LMO3: variants seen among roughly 807,000 people sequenced by gnomAD.
LMO3 encodes LIM domain only 3, also known as LIM domain only protein 3.
Under a neutral mutation model 15.8 loss-of-function variants are expected in LMO3, and 2 were observed. The observed-to-expected ratio is 0.13, with a 90% CI of 0.05 to 0.40. The LOEUF is 0.40. Among genes scored for constraint, LMO3 ranks in the 10% least tolerant of loss-of-function variants. The pLI, the probability that LMO3 is intolerant of heterozygous loss-of-function variation, is 0.99. For synonymous variants in LMO3, 62 were observed against 63.8 expected (o/e 0.97, Z 0.13); for missense variants, 86 against 182.2 (o/e 0.47, Z 3.04).
At chr12:16,569,914 C>T (rs1010542340) in intron 2 of LMO3, among the ~76,000 whole-genome samples, 8 of 152,070 alleles carry the variant, frequency 5.3e-5, no homozygotes, top group Non-Finnish European at 7.4e-5. Flanking sequence ...TTTATCTAAT[C>T]ACTATAGCTC....
rs1943338063 is a variant in LMO3 at position 16,586,810 on chromosome 12, C to T, written c.206+13845G>A. ...TTTTGTAACCTTTCTCCCAAAGGAA[C>T]ATGTAAGCCATACACAGTTGGCATC... On this transcript the variant is annotated intron_variant, in intron 2 of 3. Coordinates refer to ENST00000537304, the MANE Select transcript of LMO3 (RefSeq NM_018640.5). This position sits in a 1 kb window ranked among gnomAD's most constrained non-coding sequence, Gnocchi z 4.3. Among the ~76,000 whole-genome samples, 1 of 152,158 alleles carries T rather than the reference C, an allele frequency of 6.6e-6. No homozygotes were observed. Among genetic ancestry groups the T allele is most frequent in the African/African-American group, 2.4e-5 (1 of 41,440 alleles).
In LMO3 at chr12:16,585,295, T is replaced by C. The variant is rs949066972; in HGVS notation, c.206+15360A>G. Among the ~76,000 whole-genome samples the C allele has an allele frequency of 1.3e-5, 2 of 152,190 alleles. No homozygotes were observed. The highest frequency in any genetic ancestry group is 2.9e-5 in the Non-Finnish European group (2 of 68,044). ...AAGTATCATGGTAGAAAACAAGTTATTGATTACTGCTTCAAGAAAAAGGAT... is the reference window on the plus strand; with the variant it reads ...AAGTATCATGGTAGAAAACAAGTTACTGATTACTGCTTCAAGAAAAAGGAT... On this transcript the variant is annotated intron_variant, in intron 2 of 3. Coordinates refer to ENST00000537304, the MANE Select transcript of LMO3 (RefSeq NM_018640.5). This position sits in a 1 kb window ranked among gnomAD's most constrained non-coding sequence, Gnocchi z 4.7.
In LMO3 at chr12:16,576,465, G is replaced by T. The variant is rs1942999069; in HGVS notation, c.207-15927C>A. Among the ~76,000 whole-genome samples, 1 of 152,028 alleles carries T rather than the reference G, an allele frequency of 6.6e-6. No homozygotes were observed. Among genetic ancestry groups the T allele is most frequent in the African/African-American group, 2.4e-5 (1 of 41,364 alleles). ...CTTTTTTTTCATATTCAGATCAAATGTCAATGGATCTATGAAGCCTCTCTG... is the reference window on the plus strand; with the variant it reads ...CTTTTTTTTCATATTCAGATCAAATTTCAATGGATCTATGAAGCCTCTCTG... On this transcript the variant is annotated intron_variant, in intron 2 of 3. Transcript: ENST00000537304. This position sits in a 1 kb window ranked among gnomAD's most constrained non-coding sequence, Gnocchi z 4.1.
At chr12:16,551,593 CTTT>C (rs1292960664) in intron 3 of LMO3, among the ~76,000 whole-genome samples, 1 of 135,982 alleles carries the variant, frequency 7.4e-6, no homozygotes, top group East Asian at 2.1e-4. Flanking sequence ...AGATGACTTG[CTTT>C]TTTTTTTTTT....
In LMO3 at chr12:16,560,315, A is replaced by C; in HGVS notation, c.332+98T>G. 1 of 1,307,058 alleles carries C rather than the reference A, an allele frequency of 7.7e-7. No individual in the cohort carries two copies. The allele number at this position is 1,307,058 out of a possible 1,614,324, so 81.0% of individuals were successfully genotyped here. A position where few individuals can be genotyped will look rare whatever the true frequency, so the allele number is the denominator to read the frequency against. Reference sequence around the variant, plus strand: ...ACAGAACAGAAAAACGCTGAGATTGATTGCTTTAAATGTATGAATATAATT... The same window carrying C: ...ACAGAACAGAAAAACGCTGAGATTGCTTGCTTTAAATGTATGAATATAATT... On this transcript the variant is annotated intron_variant, in intron 3 of 3. Transcript: ENST00000537304. The surrounding 1 kb of genome is among the most constrained non-coding windows in gnomAD (Gnocchi z 5.0).
intron 2 of LMO3, chr12:16,600,452 C>CA: frequency 1.7e-6 from 1 of 575,342 alleles, no homozygotes; most frequent in Admixed American, 3.1e-5. Flanking sequence ...AATTGAAATA[C>CA]TTTAAATATT....
chr12:16,557,823 C>G (rs527490662), intron 3 of LMO3, among the ~76,000 whole-genome samples: 5 of 151,982 alleles, frequency 3.3e-5, no homozygotes, highest in Non-Finnish European at 7.4e-5. Context: ...GTAACATACT[C>G]AAGATCACAC....
rs1947252991 is a variant in LMO3, at chr12:16,559,481, T to C, written c.332+932A>G. On this transcript the variant is annotated intron_variant, in intron 3 of 3. Coordinates refer to ENST00000537304, the MANE Select transcript of LMO3 (RefSeq NM_018640.5). This position sits in a 1 kb window ranked among gnomAD's most constrained non-coding sequence, Gnocchi z 4.1. ...GTTTGGTTTAAGATCGCACAGCTTATTAGTGGCAGAGCCCATATTAGAATT... is the reference window on the plus strand; with the variant it reads ...GTTTGGTTTAAGATCGCACAGCTTACTAGTGGCAGAGCCCATATTAGAATT... Among the ~76,000 whole-genome samples the C allele has an allele frequency of 6.6e-6, 1 of 152,210 alleles. No individual in the cohort carries two copies. The highest frequency in any genetic ancestry group is 2.4e-5 in the African/African-American group (1 of 41,456).
At position 16,566,993 on chromosome 12, in the gene LMO3, G is replaced by A. The variant is rs149885778; in HGVS notation, c.207-6455C>T. ...ACTTGGCACTTGAGGTCAGGAGTTC[G>A]GGACCAGCCTGGCCAATATGGCAAA... On this transcript the variant is annotated intron_variant, in intron 2 of 3. Transcript: ENST00000537304. Among the ~76,000 whole-genome samples, 770 of 152,186 alleles carry A rather than the reference G, an allele frequency of 5.1e-3. 8 individuals carry two copies. Among genetic ancestry groups the A allele is most frequent in the African/African-American group, 0.018 (746 of 41,528 alleles).
intron 2 of LMO3, among the ~76,000 whole-genome samples, chr12:16,573,285 T>A (rs1942882252): frequency 6.6e-6 from 1 of 152,126 alleles, no homozygotes; most frequent in Non-Finnish European, 1.5e-5. Context: ...CATTAGTGAA[T>A]GAAGTCAGAT....
At chr12:16,573,621 A>T (rs919879048) in intron 2 of LMO3, 1 of 152,184 alleles carries the variant, frequency 6.6e-6, no homozygotes, top group Non-Finnish European at 1.5e-5. Context: ...GAAAGCAAAC[A>T]ACTTGAAAAA....
At chr12:16,564,013 G>A (rs1942497721) in intron 2 of LMO3, among the ~76,000 whole-genome samples, 1 of 152,044 alleles carries the variant, frequency 6.6e-6, no homozygotes, top group South Asian at 2.1e-4. Context: ...TCCAAAAGTA[G>A]GCTTATAATG....
At chr12:16,605,707 C>A in intron 1 of LMO3, 1 of 1,426,350 alleles carries the variant, frequency 7.0e-7, no homozygotes, top group South Asian at 1.2e-5. Context: ...CCCCGGGAGT[C>A]AGGGGTGTGG....
rs766384366 is a variant in LMO3, at chr12:16,559,299, GTATA to G, written c.332+1110_332+1113del. On this transcript the variant is annotated intron_variant, in intron 3 of 3. Transcript: ENST00000537304. This position sits in a 1 kb window ranked among gnomAD's most constrained non-coding sequence, Gnocchi z 4.1. ...TTATCATATAAAACAGGTGCCAGTA[GTATA>G]TAGTTTTCACAGAAATAAAAAATAT... is the stretch of plus-strand genomic sequence containing the variant. Among the ~76,000 whole-genome samples, 1 of 152,088 alleles carries G rather than the reference GTATA, an allele frequency of 6.6e-6. No homozygotes were observed. Among genetic ancestry groups the G allele is most frequent in the East Asian group, 1.9e-4 (1 of 5,196 alleles).
chr12:16,592,486 T>C (rs931361563), intron 2 of LMO3, among the ~76,000 whole-genome samples: 1 of 152,022 alleles, frequency 6.6e-6, no homozygotes, highest in Non-Finnish European at 1.5e-5. Flanking sequence ...ACAGTATAAG[T>C]GAGCATCTCA....
chr12:16,602,767 A>G (rs938021837), intron 1 of LMO3, among the ~76,000 whole-genome samples: 2 of 152,200 alleles, frequency 1.3e-5, no homozygotes, highest in African/African-American at 4.8e-5. Flanking sequence ...AGTGAATCCC[A>G]TTAATTACAG....
At chr12:16,562,621 C>T (rs1243449996) in intron 2 of LMO3, among the ~76,000 whole-genome samples, 3 of 152,212 alleles carry the variant, frequency 2.0e-5, no homozygotes, top group African/African-American at 7.2e-5. Context: ...CTGAGACCTG[C>T]TTCTGCTGCC....
Position 16,603,209 on chromosome 12 carries a change from A to G in LMO3, c.-8-2341T>C, listed in dbSNP as rs1360978452. Among the ~76,000 whole-genome samples the G allele has an allele frequency of 1.3e-5, 2 of 152,212 alleles. No individual in the cohort carries two copies. Among genetic ancestry groups the G allele is most frequent in the Non-Finnish European group, 2.9e-5 (2 of 68,040 alleles). On this transcript the variant is annotated intron_variant, in intron 1 of 3. Transcript: ENST00000537304. The surrounding 1 kb of genome is among the most constrained non-coding windows in gnomAD (Gnocchi z 4.9). ...GCACTCAGAGGCCAATTAATATTTG[A>G]AACTCTTACATTCTGTTTGGCCTTG...
At chr12:16,600,325 G>GA (rs1943786313) in intron 2 of LMO3, 2 of 123,698 alleles carry the variant, frequency 1.6e-5, no homozygotes, top group Admixed American at 8.4e-5. Context: ...AGAAAAAAAA[G>GA]AAAAAATAAG....
Sources: gnomAD v4.1 joint callset for allele counts (sites outside exome capture counted in the v4.1 genomes callset) on GRCh38, gnomAD v4.1.1 for gene constraint, Gnocchi (gnomAD v3.1) non-coding constraint, MANE v1.5 for transcripts, NCBI Gene and HGNC (gene_info 2026-07-23, HGNC 2026-07-21) for gene names.